RBFOX1: variants seen among roughly 807,000 people sequenced by gnomAD.
The protein encoded by RBFOX1 is RNA binding fox-1 homolog 1.
Under a neutral mutation model 57.7 loss-of-function variants are expected in RBFOX1, and 8 were observed. The ratio of observed to expected loss-of-function variants is 0.14; its 90% CI spans 0.08 to 0.25. The LOEUF is 0.25. Among genes scored for constraint, RBFOX1 ranks in the 10% least tolerant of loss-of-function variants. The pLI is 1.00. For synonymous variants in RBFOX1, 326 were observed against 222.4 expected (o/e 1.47, Z -4.15); for missense variants, 611 against 548.5 (o/e 1.11, Z -1.14).
chr16:7,054,418 C>G (rs1463326338), intron 4 of RBFOX1, among the ~76,000 whole-genome samples: 2 of 150,998 alleles, frequency 1.3e-5, no homozygotes, highest in African/African-American at 4.9e-5. Flanking sequence ...TTTTTTTGTA[C>G]TTTTAGCAGA....
intron 1 of RBFOX1, among the ~76,000 whole-genome samples, chr16:6,095,279 A>G (rs541291403): frequency 6.6e-6 from 1 of 152,344 alleles, no homozygotes; most frequent in South Asian, 2.1e-4. Flanking sequence ...AAATAAGTGA[A>G]GTCAAGATGC....
intron 2 of RBFOX1, among the ~76,000 whole-genome samples, chr16:6,624,012 C>G (rs777747799): frequency 6.6e-6 from 1 of 152,222 alleles, no homozygotes; most frequent in South Asian, 2.1e-4. Context: ...CCTGAGGAGT[C>G]GCCACACTGA....
intron 4 of RBFOX1, among the ~76,000 whole-genome samples, chr16:5,935,481 C>G (rs1039070206): frequency 6.6e-6 from 1 of 152,168 alleles, no homozygotes; most frequent in Non-Finnish European, 1.5e-5. Flanking sequence ...GGCATAGGAG[C>G]TGTTCCTAAT....
At chr16:6,583,851 G>A (rs931052142) in intron 2 of RBFOX1, among the ~76,000 whole-genome samples, 12 of 152,116 alleles carry the variant, frequency 7.9e-5, no homozygotes, top group African/African-American at 2.4e-4. Context: ...AAAAGTAGGG[G>A]AATCTACAAA....
At chr16:6,779,859 A>T (rs867280658) in intron 3 of RBFOX1, among the ~76,000 whole-genome samples, 1 of 13,146 alleles carries the variant, frequency 7.6e-5, no homozygotes, top group Non-Finnish European at 1.2e-4. Flanking sequence ...ATTTATATAT[A>T]TTTATATATT....
At chr16:7,129,662 G>A (rs548833987) in intron 4 of RBFOX1, among the ~76,000 whole-genome samples, 2 of 152,186 alleles carry the variant, frequency 1.3e-5, no homozygotes, top group African/African-American at 4.8e-5. Context: ...TTAGGAAGAG[G>A]GGCCTTGCAG....
chr16:6,095,643 A>G (rs2096236006), intron 1 of RBFOX1, among the ~76,000 whole-genome samples: 1 of 152,152 alleles, frequency 6.6e-6, no homozygotes, highest in African/African-American at 2.4e-5. Flanking sequence ...GGAAGCAGCC[A>G]GCACCGTGCT....
intron 4 of RBFOX1, among the ~76,000 whole-genome samples, chr16:7,498,471 G>A (rs1486801884): frequency 1.3e-5 from 2 of 151,734 alleles, no homozygotes; most frequent in African/African-American, 2.4e-5. Context: ...CTTTCTGGTA[G>A]CCATATTAAG....
intron 3 of RBFOX1, among the ~76,000 whole-genome samples, chr16:6,939,315 A>G (rs1008264575): frequency 2.0e-5 from 3 of 152,126 alleles, no homozygotes; most frequent in African/African-American, 4.8e-5. Flanking sequence ...TGAAATAACA[A>G]TAAATTACCT....
intron 1 of RBFOX1, among the ~76,000 whole-genome samples, chr16:6,265,617 C>T (rs1458949961): frequency 6.6e-6 from 1 of 152,140 alleles, no homozygotes; most frequent in African/African-American, 2.4e-5. Flanking sequence ...GACCTGAAGC[C>T]TTCTTAAATT....
intron 2 of RBFOX1, among the ~76,000 whole-genome samples, chr16:6,410,911 A>G (rs1195585212): frequency 3.3e-5 from 5 of 152,154 alleles, no homozygotes; most frequent in Admixed American, 3.3e-4. Flanking sequence ...ATAAAAAGGA[A>G]CATATTACTC....
chr16:7,338,686 A>T (rs1489477732), intron 4 of RBFOX1, among the ~76,000 whole-genome samples: 1 of 152,236 alleles, frequency 6.6e-6, no homozygotes, highest in Non-Finnish European at 1.5e-5. Context: ...AGACATCTAC[A>T]TACCTATATG....
At chr16:7,153,772 T>C (rs1235379563) in intron 4 of RBFOX1, among the ~76,000 whole-genome samples, 1 of 150,928 alleles carries the variant, frequency 6.6e-6, no homozygotes, top group Non-Finnish European at 1.5e-5. Flanking sequence ...AGGACATGTG[T>C]TTTATTGTTC....
intron 6 of RBFOX1, among the ~76,000 whole-genome samples, chr16:7,583,330 G>T (rs2093919302): frequency 6.6e-6 from 1 of 152,044 alleles, no homozygotes; most frequent in Admixed American, 6.6e-5. Context: ...AGTTTTATAG[G>T]TGGCTACTTT....
intron 4 of RBFOX1, among the ~76,000 whole-genome samples, chr16:7,436,661 C>A (rs6500968): frequency 6.6e-6 from 1 of 152,294 alleles, no homozygotes; most frequent in African/African-American, 2.4e-5. Flanking sequence ...ACTCAGGAAC[C>A]TTTGAGGATG....
intron 3 of RBFOX1, among the ~76,000 whole-genome samples, chr16:6,690,299 G>C (rs1173422173): frequency 1.3e-5 from 2 of 152,048 alleles, no homozygotes; most frequent in African/African-American, 4.8e-5. Flanking sequence ...GATAATATGT[G>C]TGTTTTTAAG....
At chr16:6,752,749 C>T (rs1430260411) in intron 3 of RBFOX1, among the ~76,000 whole-genome samples, 1 of 152,126 alleles carries the variant, frequency 6.6e-6, no homozygotes, top group African/African-American at 2.4e-5. Flanking sequence ...TCCCCCTTTC[C>T]CTTACTGCTT....
At chr16:5,245,414 C>T (rs1459208883) in intron 1 of RBFOX1, among the ~76,000 whole-genome samples, 2 of 152,096 alleles carry the variant, frequency 1.3e-5, no homozygotes, top group East Asian at 1.9e-4. Context: ...GCTGGAGACT[C>T]GGGCTTGGGA....
chr16:7,256,719 C>G (rs1304286164), intron 4 of RBFOX1, among the ~76,000 whole-genome samples: 1 of 152,136 alleles, frequency 6.6e-6, no homozygotes, highest in Non-Finnish European at 1.5e-5. Flanking sequence ...AGAAGGACGC[C>G]CAGGGCCATG....
Sources: allele counts gnomAD v4.1 joint callset (sites outside exome capture counted in the v4.1 genomes callset), GRCh38; gene constraint gnomAD v4.1.1; transcripts MANE v1.5; gene names NCBI Gene and HGNC (gene_info 2026-07-23, HGNC 2026-07-21).